The following MARK1 variants were observed in gnomAD, a reference collection of about 807,000 sequenced individuals.
MARK1 encodes serine/threonine-protein kinase MARK1.
In MARK1, 40 loss-of-function variants were observed where a neutral mutation model predicts 96.3. That is an observed-to-expected ratio of 0.42 (90% CI 0.32 to 0.54). The LOEUF (loss-of-function observed/expected upper bound fraction) is 0.54, where lower values mean the gene tolerates loss of function less well. Among genes scored for constraint, MARK1 ranks in the 20% least tolerant of loss-of-function variants. The pLI, the probability that MARK1 is intolerant of heterozygous loss-of-function variation, is 0.16. For missense variants in MARK1, 719 were observed against 984.6 expected, an observed-to-expected ratio of 0.73 and a Z score of 3.61; for synonymous variants, 317 against 341.2, an observed-to-expected ratio of 0.93 and a Z score of 0.78.
rs758137430 is a variant in MARK1 at position 220,635,449 on chromosome 1, G to A, written c.1196G>A (p.Ser399Asn). ...RSRPSSDLNN[S>N]TLQSPAHLKV... ...CGGCCCAGTAGTGACTTAAACAACA[G>A]CACTCTTCAGTCCCCTGCTCACCTG... is the stretch of plus-strand genomic sequence containing the variant. The change falls in exon 12 of 18, where the codon AGC becomes AAC. Residue 399 changes from serine to asparagine, a missense_variant. By Grantham distance (46) the Ser-to-Asn change is conservative (BLOSUM62 1). This residue lies in a region of MARK1 where 501 missense variants were observed against 588.3 expected (regional missense o/e 0.85). Coordinates refer to ENST00000366917, the MANE Select transcript of MARK1 (RefSeq NM_018650.5). 6.2e-7 allele frequency: 1 copy of A among 1,612,822 alleles called. No individual in the cohort carries two copies. The highest frequency in any genetic ancestry group is 1.7e-5 in the Admixed American group (1 of 59,722).
chr1:220,651,876 T>C, intron 14 of MARK1, 110 bp from the exon 15 acceptor site: 1 of 716,366 alleles, frequency 1.4e-6, no homozygotes, highest in Admixed American at 2.8e-5. Context: ...GTTTCAGTCA[T>C]GAAAGGTGTT....
rs539679380 is a variant in MARK1 at position 220,624,127 on chromosome 1, G to A, written c.909+5372G>A. On this transcript the variant is annotated intron_variant, in intron 9 of 17. Transcript: ENST00000366917. ...AGCCTGGCCAACATGATGAAACCCC[G>A]TCTCTACTAAAAATACAAAAATTAG... is the stretch of plus-strand genomic sequence containing the variant. 6.6e-5 allele frequency among the ~76,000 whole-genome samples: 10 copies of A among 151,912 alleles called. No homozygotes were observed. The East Asian group carries it at 9.7e-4, about 15-fold the overall frequency.
intron 13 of MARK1, among the ~76,000 whole-genome samples, chr1:220,638,881 A>C (rs1490135813): frequency 6.6e-6 from 1 of 152,162 alleles, no homozygotes; most frequent in African/African-American, 2.4e-5. Context: ...ATTTCCTTTT[A>C]GTCTGAACTC....
chr1:220,560,215 C>T (rs942499199), intron 1 of MARK1, among the ~76,000 whole-genome samples: 3 of 152,156 alleles, frequency 2.0e-5, no homozygotes, highest in Admixed American at 1.3e-4. Flanking sequence ...GTCCTTCCCA[C>T]AACACATAAG....
rs1387095017 is a variant in MARK1, at chr1:220,653,262, C to A, written c.1898C>A (p.Ser633Ter). Residue 633 changes from serine (S) to a stop codon, truncating the protein, a stop_gained, in exon 16 of 18, where the codon TCA (serine) becomes TAA (stop). Coordinates refer to ENST00000366917, the MANE Select transcript of MARK1 (RefSeq NM_018650.5). LOFTEE classifies it high-confidence loss of function. ...GTTGCTTATAATGGGCCACCTGCTT[C>A]ACCATCCCATGAAACGGGTGCATTT... is the stretch of plus-strand genomic sequence containing the variant. ...RSVAYNGPPA[S>*]PSHETGAFAH... 1 of 1,614,240 alleles carries A rather than the reference C, an allele frequency of 6.2e-7. No homozygotes were observed. The highest frequency in any genetic ancestry group is 8.5e-7 in the Non-Finnish European group (1 of 1,180,046).
At chr1:220,630,355 C>T (rs1667617448) in intron 9 of MARK1, among the ~76,000 whole-genome samples, 1 of 152,152 alleles carries the variant, frequency 6.6e-6, no homozygotes, top group South Asian at 2.1e-4. Flanking sequence ...ATTTACTCCT[C>T]ATCCAGTATA....
Position 220,618,969 on chromosome 1 carries a change from A to C in MARK1, c.909+214A>C, listed in dbSNP as rs1666909389. 6.6e-6 allele frequency among the ~76,000 whole-genome samples: 1 copy of C among 152,182 alleles called. No individual in the cohort carries two copies. Among genetic ancestry groups the C allele is most frequent in the South Asian group, 2.1e-4 (1 of 4,834 alleles). On this transcript the variant is annotated intron_variant, in intron 9 of 17. Coordinates refer to ENST00000366917, the MANE Select transcript of MARK1 (RefSeq NM_018650.5). This position sits in a 1 kb window ranked among gnomAD's most constrained non-coding sequence, Gnocchi z 4.6. ...AACTATTATTTCCTCTTTGTTCTGC[A>C]GTGCCGTATTAAATAAAAACAACAC...
chr1:220,528,186 G>T lies in MARK1; in HGVS notation c.-637G>T, dbSNP rs1255704832. On this transcript the variant is annotated 5_prime_UTR_variant, in exon 1 of 18. Transcript: ENST00000366917. Reference sequence around the variant, plus strand: ...CTGGGCGCTGCGTGCCGCGCCCGCTGCTCCGCGCGCAGCCGGCTCGGGCCG... The same window carrying T: ...CTGGGCGCTGCGTGCCGCGCCCGCTTCTCCGCGCGCAGCCGGCTCGGGCCG... 1 of 150,462 alleles carries T rather than the reference G, an allele frequency of 6.6e-6. No individual in the cohort carries two copies. Among genetic ancestry groups the T allele is most frequent in the Admixed American group, 6.6e-5 (1 of 15,132 alleles). The allele number at this position is 150,462 out of a possible 1,614,324, so 9.3% of individuals were successfully genotyped here. A position where few individuals can be genotyped will look rare whatever the true frequency, so the allele number is the denominator to read the frequency against.
chr1:220,652,225 A>G (rs1668922335), intron 15 of MARK1, 75 bp downstream of exon 15: 2 of 1,217,772 alleles, frequency 1.6e-6, no homozygotes, highest in Admixed American at 3.9e-5. Context: ...AATACATGAT[A>G]GTCACCATCA....
At chr1:220,542,045 C>G (rs1216914229) in intron 1 of MARK1, among the ~76,000 whole-genome samples, 1 of 152,144 alleles carries the variant, frequency 6.6e-6, no homozygotes. Flanking sequence ...GCATCTAAAA[C>G]CAGTCCCTCT....
At chr1:220,661,730 C>A in intron 17 of MARK1, 82 bp from the exon 18 acceptor site, 1 of 1,040,422 alleles carries the variant, frequency 9.6e-7, no homozygotes, top group Non-Finnish European at 1.4e-6. Flanking sequence ...GAACTATGAC[C>A]ACTTAGATTT....
intron 1 of MARK1, among the ~76,000 whole-genome samples, chr1:220,540,016 G>A (rs1304670290): frequency 6.6e-6 from 1 of 152,054 alleles, no homozygotes; most frequent in Admixed American, 6.6e-5. Context: ...GCTTATCGTT[G>A]TTGGAAGGTT....
At chr1:220,548,456 C>A (rs889345348) in intron 1 of MARK1, among the ~76,000 whole-genome samples, 3 of 152,094 alleles carry the variant, frequency 2.0e-5, no homozygotes, top group African/African-American at 7.2e-5. Context: ...GAACAAACAT[C>A]GGGTTGGGCA....
intron 1 of MARK1, among the ~76,000 whole-genome samples, chr1:220,551,898 CT>C (rs1204791926): frequency 6.6e-6 from 1 of 152,080 alleles, no homozygotes; most frequent in Non-Finnish European, 1.5e-5. Context: ...TGTTCTTTGC[CT>C]GGTGAAGTAA....
intron 9 of MARK1, chr1:220,626,118 G>C: frequency 1.6e-6 from 1 of 616,476 alleles, no homozygotes; most frequent in East Asian, 3.9e-5. Flanking sequence ...ATAAGCAGCA[G>C]ATAGACATCG....
At chr1:220,629,879 T>G (rs1667571394) in intron 9 of MARK1, among the ~76,000 whole-genome samples, 1 of 152,216 alleles carries the variant, frequency 6.6e-6, no homozygotes, top group African/African-American at 2.4e-5. Context: ...TTCCACATCC[T>G]GGCTTTTGTG....
In MARK1 at chr1:220,631,119, G is replaced by A. The variant is rs1178673704; in HGVS notation, c.994G>A (p.Asp332Asn). Reference protein sequence around the residue: ...PYTEPDPDFNDTKRIDIMVTM... With the variant: ...PYTEPDPDFNNTKRIDIMVTM... Reference sequence around the variant, plus strand: ...TACTGAGCCTGATCCGGATTTCAATGACACAAAAAGAATAGGTAAGTATTT... The same window carrying A: ...TACTGAGCCTGATCCGGATTTCAATAACACAAAAAGAATAGGTAAGTATTT... The change falls in exon 10 of 18, where the codon GAC (aspartate) becomes AAC (asparagine). Residue 332 changes from aspartate to asparagine, a missense_variant. Physicochemically the swap from Asp to Asn is conservative, Grantham distance 23. Around this residue, in one of 4 missense-constraint regions of MARK1, gnomAD observed 501 missense variants for 588.3 expected, o/e 0.85. Coordinates refer to ENST00000366917, the MANE Select transcript of MARK1 (RefSeq NM_018650.5). 1 of 1,610,948 alleles carries A rather than the reference G, an allele frequency of 6.2e-7. No individual in the cohort carries two copies. Among genetic ancestry groups the A allele is most frequent in the Admixed American group, 1.7e-5 (1 of 59,896 alleles).
chr1:220,560,573 C>T (rs1003711810), intron 1 of MARK1, among the ~76,000 whole-genome samples: 5 of 152,012 alleles, frequency 3.3e-5, no homozygotes, highest in South Asian at 2.1e-4. Context: ...ACTGTGATGC[C>T]GAGACAGCCT....
At chr1:220,560,675 G>T (rs897993539) in intron 1 of MARK1, among the ~76,000 whole-genome samples, 6 of 152,194 alleles carry the variant, frequency 3.9e-5, no homozygotes, top group African/African-American at 1.4e-4. Flanking sequence ...CAGGTCCTAA[G>T]CAGGACAGAA....
Sources: gnomAD v4.1 joint callset for allele counts (sites outside exome capture counted in the v4.1 genomes callset) on GRCh38, gnomAD v4.1.1 for gene constraint, gnomAD v4.1.1 regional missense constraint, Gnocchi (gnomAD v3.1) non-coding constraint, MANE v1.5 for transcripts, NCBI Gene and HGNC (gene_info 2026-07-23, HGNC 2026-07-21) for gene names.